The following PPFIA2 variants were observed in gnomAD, a reference collection of about 807,000 sequenced individuals.
PPFIA2 encodes liprin-alpha-2.
In PPFIA2, 46 loss-of-function variants were observed where a neutral mutation model predicts 175.5. That is an observed-to-expected ratio of 0.26 (90% CI 0.21 to 0.34). PPFIA2 has a LOEUF of 0.34. Ranked by LOEUF, PPFIA2 falls within the 10% of genes least tolerant of loss-of-function variation. PPFIA2 has a pLI of 1.00. For missense variants in PPFIA2, 1,179 were observed against 1,506.1 expected, an observed-to-expected ratio of 0.78 and a Z score of 3.60; for synonymous variants, 568 against 511.4, an observed-to-expected ratio of 1.11 and a Z score of -1.49.
At chr12:81,370,813 TTAAG>T (rs1183721533) in intron 11 of PPFIA2, among the ~76,000 whole-genome samples, 1 of 151,924 alleles carries the variant, frequency 6.6e-6, no homozygotes, top group African/African-American at 2.4e-5. Context: ...TCATTGCAAG[TTAAG>T]TAATTATTAC....
chr12:81,431,257 G>C (rs1302886130), intron 7 of PPFIA2: 2 of 152,044 alleles, frequency 1.3e-5, no homozygotes, highest in Non-Finnish European at 2.9e-5. Context: ...AAGTGTACAG[G>C]TTTCTGATAA....
chr12:81,369,280 A>C (rs546103270), intron 11 of PPFIA2, 86 bp from the exon 12 acceptor site: 1 of 1,547,760 alleles, frequency 6.5e-7, no homozygotes, highest in African/African-American at 1.4e-5. Flanking sequence ...AATGTAAAGC[A>C]AGCTACTACC....
intron 4 of PPFIA2, among the ~76,000 whole-genome samples, chr12:81,618,830 C>A (rs889423606): frequency 1.3e-5 from 2 of 152,172 alleles, no homozygotes; most frequent in African/African-American, 4.8e-5. Context: ...CCGCGCCCGG[C>A]CCATGGCACT....
chr12:81,686,899 C>A (rs2074493662), intron 3 of PPFIA2, among the ~76,000 whole-genome samples: 2 of 151,992 alleles, frequency 1.3e-5, no homozygotes, highest in African/African-American at 4.8e-5. Context: ...AAAACAGTGT[C>A]TTTGTTGAGT....
At chr12:81,527,042 A>G (rs1316521680) in intron 4 of PPFIA2, among the ~76,000 whole-genome samples, 1 of 152,194 alleles carries the variant, frequency 6.6e-6, no homozygotes, top group Non-Finnish European at 1.5e-5. Flanking sequence ...TAAAGTGGTG[A>G]TGGCAAGGAG....
chr12:81,374,861 T>C, intron 10 of PPFIA2, 93 bp from the exon 11 acceptor site: 1 of 1,236,110 alleles, frequency 8.1e-7, no homozygotes, highest in Non-Finnish European at 1.1e-6. Context: ...GCCATGATTC[T>C]AGATTTAAAT....
intron 4 of PPFIA2, among the ~76,000 whole-genome samples, chr12:81,630,066 G>T (rs1181596506): frequency 2.6e-5 from 4 of 152,134 alleles, no homozygotes; most frequent in Non-Finnish European, 5.9e-5. Context: ...TGGCTGAAGG[G>T]ACCATAAACC....
At chr12:81,643,982 T>C (rs1418999590) in intron 4 of PPFIA2, among the ~76,000 whole-genome samples, 1 of 151,976 alleles carries the variant, frequency 6.6e-6, no homozygotes, top group African/African-American at 2.4e-5. Context: ...GATGAATTGA[T>C]GTCAAATGGG....
chr12:81,623,838 T>A (rs2062360586), intron 4 of PPFIA2, among the ~76,000 whole-genome samples: 1 of 151,932 alleles, frequency 6.6e-6, no homozygotes, highest in African/African-American at 2.4e-5. Flanking sequence ...TATTCTTTTA[T>A]CTCCTATAAA....
chr12:81,459,091 C>T (rs1328993469), intron 4 of PPFIA2, among the ~76,000 whole-genome samples: 17 of 152,114 alleles, frequency 1.1e-4, no homozygotes, highest in Non-Finnish European at 5.9e-5. Context: ...AGGGCTTCAG[C>T]CCAAGTGAGT....
chr12:81,507,101 G>A (rs918747304), intron 4 of PPFIA2, among the ~76,000 whole-genome samples: 1 of 152,110 alleles, frequency 6.6e-6, no homozygotes, highest in Non-Finnish European at 1.5e-5. Flanking sequence ...GTTCAGATGA[G>A]CAATGCTGGC....
chr12:81,660,487 A>G (rs2068624764), intron 4 of PPFIA2, among the ~76,000 whole-genome samples: 1 of 152,184 alleles, frequency 6.6e-6, no homozygotes, highest in Admixed American at 6.5e-5. Context: ...TGAGAAGAGA[A>G]GTTCAGAGAA....
At position 81,391,875 on chromosome 12, in the gene PPFIA2, A is replaced by T. The variant is rs1224453794; in HGVS notation, c.763-7631T>A. On this transcript the variant is annotated intron_variant, in intron 8 of 32. Transcript: ENST00000549396. ...AAGTGGGTTTAGGATTTTCAAGGAG[A>T]CCATTGTAGCTAGAATGGACTGGAC... Among the ~76,000 whole-genome samples the T allele has an allele frequency of 1.3e-4, 20 of 151,872 alleles. 1 individual carries two copies. The highest frequency in any genetic ancestry group is 4.6e-4 in the Admixed American group (7 of 15,184).
intron 4 of PPFIA2, among the ~76,000 whole-genome samples, chr12:81,565,303 A>G (rs1022162528): frequency 1.3e-5 from 2 of 152,092 alleles, no homozygotes; most frequent in Non-Finnish European, 2.9e-5. Context: ...TTCTAGACCT[A>G]TAACTAGACT....
At chr12:81,706,016 T>C (rs1237669455) in intron 3 of PPFIA2, among the ~76,000 whole-genome samples, 1 of 152,196 alleles carries the variant, frequency 6.6e-6, no homozygotes. Context: ...AAGTATTTTT[T>C]TATTTATTTT....
chr12:81,335,648 G>T (rs1302265691), intron 21 of PPFIA2, among the ~76,000 whole-genome samples: 2 of 151,844 alleles, frequency 1.3e-5, no homozygotes, highest in African/African-American at 4.8e-5. Context: ...GGAGGTTGAG[G>T]CAGGAGAATC....
chr12:81,722,664 T>G (rs1165218031), intron 3 of PPFIA2, among the ~76,000 whole-genome samples: 1 of 150,974 alleles, frequency 6.6e-6, no homozygotes, highest in Middle Eastern at 3.2e-3. Context: ...TTCCTCCCTT[T>G]GCCTTCTGGA....
At chr12:81,405,662 C>A in intron 8 of PPFIA2, 125 bp downstream of exon 8, 3 of 582,938 alleles carry the variant, frequency 5.1e-6, no homozygotes, top group Non-Finnish European at 9.0e-6. Context: ...AACCATAAAC[C>A]TTGAACCTTT....
intron 3 of PPFIA2, among the ~76,000 whole-genome samples, chr12:81,708,474 AAAAAGTATTACTTGT>A (rs2077495431): frequency 6.6e-6 from 1 of 152,200 alleles, no homozygotes; most frequent in East Asian, 1.9e-4. Context: ...TATTTTGAAA[AAAAAGTATTACTTGT>A]AAAAGAATTA....
Sources: allele counts gnomAD v4.1 joint callset (sites outside exome capture counted in the v4.1 genomes callset), GRCh38; gene constraint gnomAD v4.1.1; transcripts MANE v1.5; gene names NCBI Gene and HGNC (gene_info 2026-07-23, HGNC 2026-07-21).